AZGP1: variants seen among roughly 807,000 people sequenced by gnomAD.
The protein encoded by AZGP1 is alpha-2-glycoprotein 1, zinc-binding, also known as zinc-alpha-2-glycoprotein.
Under a neutral mutation model 31.5 loss-of-function variants are expected in AZGP1, and 28 were observed. The ratio of observed to expected loss-of-function variants is 0.89; its 90% CI spans 0.66 to 1.22. The LOEUF is 1.22. Among genes scored for constraint, AZGP1 ranks in the 50% most tolerant of loss-of-function variants. The pLI is 0.00. For synonymous variants in AZGP1, 135 were observed against 145.4 expected (o/e 0.93, Z 0.51); for missense variants, 361 against 371.8 (o/e 0.97, Z 0.24).
chr7:99,971,677 T>C lies in AZGP1; in HGVS notation c.337+69A>G, dbSNP rs935633595. 4.6e-6 allele frequency: 7 copies of C among 1,532,648 alleles called. No individual in the cohort carries two copies. The African/African-American group carries it at 9.6e-5, about 21-fold the overall frequency. The allele number at this position is 1,532,648 out of a possible 1,614,324, so 94.9% of individuals were successfully genotyped here. A position where few individuals can be genotyped will look rare whatever the true frequency, so the allele number is the denominator to read the frequency against. Reference sequence around the variant, plus strand: ...GACTATTTCCATCCTGCTGATCCCTTGCCACTCACACTGGGGGGGCTGCCT... The same window carrying C: ...GACTATTTCCATCCTGCTGATCCCTCGCCACTCACACTGGGGGGGCTGCCT... On this transcript the variant is annotated intron_variant, in intron 2 of 3. Transcript: ENST00000292401.
chr7:99,966,967 G>A lies in AZGP1; in HGVS notation c.*36C>T. 1.3e-6 allele frequency: 2 copies of A among 1,599,654 alleles called. No homozygotes were observed. The highest frequency in any genetic ancestry group is 1.7e-6 in the Non-Finnish European group (2 of 1,171,378). On this transcript the variant is annotated 3_prime_UTR_variant, in exon 4 of 4. Coordinates refer to ENST00000292401, the MANE Select transcript of AZGP1 (RefSeq NM_001185.4). ...CATCAGGCAGGAAGGGCAGCTACTGGGTCTGAGATCCCACATTGCCTCCAA... is the reference window on the plus strand; with the variant it reads ...CATCAGGCAGGAAGGGCAGCTACTGAGTCTGAGATCCCACATTGCCTCCAA...
In AZGP1 at chr7:99,968,100, C is replaced by T. The variant is rs574703843; in HGVS notation, c.613+55G>A. The T allele has an allele frequency of 2.5e-6, 4 of 1,601,358 alleles. No individual in the cohort carries two copies. In the African/African-American group the frequency reaches 4.0e-5, roughly 16 times the overall value. ...CTAAGATGTTGCCTGAGCTCCTAGCCTGAGATCGTCTTTTATTCTGGGCTC... is the reference window on the plus strand; with the variant it reads ...CTAAGATGTTGCCTGAGCTCCTAGCTTGAGATCGTCTTTTATTCTGGGCTC... On this transcript the variant is annotated intron_variant, in intron 3 of 3. Coordinates refer to ENST00000292401, the MANE Select transcript of AZGP1 (RefSeq NM_001185.4).
At chr7:99,967,465 C>T (rs1451447528) in intron 3 of AZGP1, 179 bp from the exon 4 acceptor site, 2 of 676,102 alleles carry the variant, frequency 3.0e-6, no homozygotes, top group Non-Finnish European at 4.9e-6. Context: ...TTCCCTCTTG[C>T]CCAATCCCCA....
At chr7:99,968,072 G>C (rs756599777) in intron 3 of AZGP1, 83 bp downstream of exon 3, 1 of 1,540,030 alleles carries the variant, frequency 6.5e-7, no homozygotes, top group African/African-American at 1.4e-5. Context: ...AGATGAGACC[G>C]GACTAAGATG....
At chr7:99,968,133 G>C in intron 3 of AZGP1, 22 bp downstream of exon 3, 1 of 1,613,216 alleles carries the variant, frequency 6.2e-7, no homozygotes, top group South Asian at 1.1e-5. Context: ...CTCAGTACTG[G>C]GGAGCAGGAA....
chr7:99,970,152 G>A (rs1445882690), intron 2 of AZGP1, among the ~76,000 whole-genome samples: 1 of 152,078 alleles, frequency 6.6e-6, no homozygotes, highest in Non-Finnish European at 1.5e-5. Flanking sequence ...CTGTTTTAGG[G>A]GGCTATTCTG....
Position 99,971,813 on chromosome 7 carries a change from C to T in AZGP1, c.270G>A (p.Gln90=), listed in dbSNP as rs367821238. The T allele has an allele frequency of 1.2e-6, 2 of 1,614,058 alleles. No individual in the cohort carries two copies. The highest frequency in any genetic ancestry group is 1.7e-6 in the Non-Finnish European group (2 of 1,180,034). Reference sequence around the variant, plus strand: ...CCATAAAGATGTCCTCCCTGGCCTTCTGAAGTTGGCTGTCCTGCTTCCAAT... The same window carrying T: ...CCATAAAGATGTCCTCCCTGGCCTTTTGAAGTTGGCTGTCCTGCTTCCAAT... The part of the protein sequence containing the change: ...MEDWKQDSQL[Q]KAREDIFMET... The change falls in exon 2 of 4, where the codon CAG becomes CAA. Residue 90 remains glutamine, a synonymous_variant. Coordinates refer to ENST00000292401, the MANE Select transcript of AZGP1 (RefSeq NM_001185.4).
At chr7:99,970,589 C>T (rs1789561319) in intron 2 of AZGP1, among the ~76,000 whole-genome samples, 2 of 152,172 alleles carry the variant, frequency 1.3e-5, no homozygotes, top group East Asian at 1.9e-4. Flanking sequence ...ATCCTCCTTC[C>T]TCTTAATTAT....
chr7:99,975,557 T>G (rs1012042322), intron 1 of AZGP1, among the ~76,000 whole-genome samples: 5 of 152,128 alleles, frequency 3.3e-5, no homozygotes, highest in Non-Finnish European at 7.4e-5. Context: ...CCCTTGGGGC[T>G]GCTCTCTCTT....
Position 99,968,131 on chromosome 7 carries a change from T to G in AZGP1, c.613+24A>C, listed in dbSNP as rs187130073. 6.0e-3 allele frequency: 9,736 copies of G among 1,613,314 alleles called. 37 individuals carry two copies. The highest frequency in any genetic ancestry group is 6.3e-3 in the Non-Finnish European group (7,448 of 1,179,682). Reference sequence around the variant, plus strand: ...TCGTCTTTTATTCTGGGCTCAGTACTGGGGAGCAGGAAGCAGTGAGTACCT... The same window carrying G: ...TCGTCTTTTATTCTGGGCTCAGTACGGGGGAGCAGGAAGCAGTGAGTACCT... On this transcript the variant is annotated intron_variant, in intron 3 of 3. Coordinates refer to ENST00000292401, the MANE Select transcript of AZGP1 (RefSeq NM_001185.4).
In AZGP1 at chr7:99,968,359, A is replaced by C; in HGVS notation, c.409T>G (p.Tyr137Asp). ...NNRSSGAFWKYYYDGKDYIEF... is the reference protein window; with the variant it reads ...NNRSSGAFWKDYYDGKDYIEF... ...ATGTAGTCCTTTCCATCATAGTAAT[A>C]TTTCCAGAATGCTCCGCTGCTTCTG... The change falls in exon 3 of 4, where the codon TAT becomes GAT. Residue 137 changes from tyrosine to aspartate, a missense_variant. Transcript: ENST00000292401. 1.2e-6 allele frequency: 2 copies of C among 1,613,624 alleles called. No homozygotes were observed. The highest frequency in any genetic ancestry group is 1.7e-6 in the Non-Finnish European group (2 of 1,179,946).
chr7:99,972,288 G>T (rs541906297), intron 1 of AZGP1, among the ~76,000 whole-genome samples: 1 of 152,220 alleles, frequency 6.6e-6, no homozygotes, highest in Admixed American at 6.5e-5. Context: ...TTGGGACCAT[G>T]TGACTGAGTT....
chr7:99,974,875 T>A (rs933707649), intron 1 of AZGP1, among the ~76,000 whole-genome samples: 1 of 152,114 alleles, frequency 6.6e-6, no homozygotes, highest in Non-Finnish European at 1.5e-5. Flanking sequence ...TCCAATCAGT[T>A]GAAGGCCTTA....
intron 3 of AZGP1, 195 bp from the exon 4 acceptor site, chr7:99,967,481 C>A: frequency 1.6e-6 from 1 of 628,160 alleles, no homozygotes. Context: ...CCCCACCTCA[C>A]CCATGTATTG....
chr7:99,969,855 T>C lies in AZGP1; in HGVS notation c.338-1425A>G, dbSNP rs556307734. 1.3e-3 allele frequency among the ~76,000 whole-genome samples: 193 copies of C among 152,354 alleles called. 1 individual carries two copies. The highest frequency in any genetic ancestry group is 3.1e-3 in the South Asian group (15 of 4,824). ...ACCTTTCTGGTGTTTGATATCTTTA[T>C]CCCAAATCTCTAAAGCCCCAACCTT... On this transcript the variant is annotated intron_variant, in intron 2 of 3. Transcript: ENST00000292401.
intron 1 of AZGP1, 113 bp downstream of exon 1, chr7:99,975,832 C>G: frequency 8.4e-7 from 1 of 1,193,806 alleles, no homozygotes; most frequent in Non-Finnish European, 1.2e-6. Context: ...GCACCCATTC[C>G]TGCCGTATGC....
chr7:99,968,342 C>A lies in AZGP1; in HGVS notation c.426G>T (p.Lys142Asn). ...TTTCTTTGTTGAATTCAATGTAGTCCTTTCCATCATAGTAATATTTCCAGA... is the reference window on the plus strand; with the variant it reads ...TTTCTTTGTTGAATTCAATGTAGTCATTTCCATCATAGTAATATTTCCAGA... ...GAFWKYYYDG[K>N]DYIEFNKEIP... The change falls in exon 3 of 4, where the codon AAG (lysine) becomes AAT (asparagine). Residue 142 changes from lysine (K) to asparagine (N), a missense_variant. Physicochemically the swap from Lys to Asn is moderately conservative, Grantham distance 94 (BLOSUM62 0). Coordinates refer to ENST00000292401, the MANE Select transcript of AZGP1 (RefSeq NM_001185.4). The A allele has an allele frequency of 6.2e-7, 1 of 1,613,682 alleles. No homozygotes were observed. The highest frequency in any genetic ancestry group is 8.5e-7 in the Non-Finnish European group (1 of 1,179,954).
chr7:99,971,556 T>C (rs1363854429), intron 2 of AZGP1, 190 bp downstream of exon 2: 2 of 667,964 alleles, frequency 3.0e-6, no homozygotes, highest in Admixed American at 3.0e-5. Context: ...GATGGGGCAA[T>C]TGATGGGGAA....
chr7:99,968,169 A>G lies in AZGP1; in HGVS notation c.599T>C (p.Ile200Thr). Residue 200 changes from isoleucine (I) to threonine (T), a missense_variant, in exon 3 of 4, where the codon ATC (isoleucine) becomes ACC (threonine). Ile to Thr is a moderately conservative substitution (Grantham distance 89, BLOSUM62 -1). Transcript: ENST00000292401. ...GCAGTGAGTACCTTGCCGGTCCAGGATATTTTTGCTGTATTTCAGGTATTT... is the reference window on the plus strand; with the variant it reads ...GCAGTGAGTACCTTGCCGGTCCAGGGTATTTTTGCTGTATTTCAGGTATTT... Reference protein sequence around the residue: ...LRKYLKYSKNILDRQDPPSVV... With the variant: ...LRKYLKYSKNTLDRQDPPSVV... The G allele has an allele frequency of 6.2e-7, 1 of 1,613,778 alleles. No homozygotes were observed. Among genetic ancestry groups the G allele is most frequent in the African/African-American group, 1.3e-5 (1 of 74,906 alleles).
Sources: allele counts gnomAD v4.1 joint callset (sites outside exome capture counted in the v4.1 genomes callset), GRCh38; gene constraint gnomAD v4.1.1; transcripts MANE v1.5; gene names NCBI Gene and HGNC (gene_info 2026-07-23, HGNC 2026-07-21).